SLC1A3: variants seen among roughly 807,000 people sequenced by gnomAD.
SLC1A3 encodes the protein excitatory amino acid transporter 1.
Under a neutral mutation model 48.1 loss-of-function variants are expected in SLC1A3, and 21 were observed. The observed-to-expected ratio is 0.44, with a 90% CI of 0.31 to 0.63. The LOEUF is 0.63. SLC1A3 is among the 20% of genes least tolerant of loss of function. The pLI, the probability that SLC1A3 is intolerant of heterozygous loss-of-function variation, is 0.08. For missense variants in SLC1A3, 546 were observed against 689.0 expected, an observed-to-expected ratio of 0.79 and a Z score of 2.32; for synonymous variants, 239 against 251.4, an observed-to-expected ratio of 0.95 and a Z score of 0.47.
intron 3 of SLC1A3, among the ~76,000 whole-genome samples, chr5:36,646,846 A>G (rs1241758986): frequency 6.6e-6 from 1 of 152,202 alleles, no homozygotes; most frequent in Admixed American, 6.5e-5. Context: ...TCAAAGAGCT[A>G]TTTTTGAGGA....
chr5:36,656,013 T>C lies in SLC1A3; in HGVS notation c.320-15016T>C, dbSNP rs1032889444. Among the ~76,000 whole-genome samples the C allele has an allele frequency of 2.6e-5, 4 of 152,334 alleles. No homozygotes were observed. The South Asian group carries it at 8.3e-4, about 32-fold the overall frequency. On this transcript the variant is annotated intron_variant, in intron 3 of 9. Coordinates refer to ENST00000265113, the MANE Select transcript of SLC1A3 (RefSeq NM_004172.5). ...AAGATGTGATTTACATCAGAAGCTG[T>C]AAATGACTGAGAACATTGGTGTTGC...
rs1162623269 is a variant in SLC1A3, at chr5:36,608,573, T to C, written c.150T>C (p.Phe50=). 1 of 1,614,038 alleles carries C rather than the reference T, an allele frequency of 6.2e-7. No homozygotes were observed. Among genetic ancestry groups the C allele is most frequent in the African/African-American group, 1.3e-5 (1 of 75,036 alleles). ...DVKSYLFRNA[F]VLLTVTAVIV... is the part of the protein sequence containing the mutation. ...AAAGTTACCTGTTTCGGAATGCTTT[T>C]GTGCTGCTCACAGTCACCGCTGTCA... Residue 50 remains phenylalanine (F), a synonymous_variant, in exon 2 of 10, where the codon TTT becomes TTC. Coordinates refer to ENST00000265113, the MANE Select transcript of SLC1A3 (RefSeq NM_004172.5).
At chr5:36,686,025 C>A in intron 9 of SLC1A3, 40 bp from the exon 10 acceptor site, 2 of 1,550,250 alleles carry the variant, frequency 1.3e-6, no homozygotes, top group Non-Finnish European at 1.8e-6. Context: ...GTGATGCTCA[C>A]GGGAGCCTCG....
intron 3 of SLC1A3, among the ~76,000 whole-genome samples, chr5:36,632,628 T>C (rs927784631): frequency 6.6e-6 from 1 of 152,236 alleles, no homozygotes; most frequent in African/African-American, 2.4e-5. Context: ...AAATACTTTA[T>C]AGACTTGTTT....
intron 3 of SLC1A3, among the ~76,000 whole-genome samples, chr5:36,657,148 T>A (rs2111870554): frequency 6.6e-6 from 1 of 152,356 alleles, no homozygotes; most frequent in African/African-American, 2.4e-5. Context: ...CTTATACTTC[T>A]CTAGATTGAT....
intron 4 of SLC1A3, among the ~76,000 whole-genome samples, chr5:36,671,671 G>T (rs1048212687): frequency 6.6e-6 from 1 of 152,138 alleles, no homozygotes. Context: ...TACACAGTTT[G>T]GTTCCAGAGG....
chr5:36,618,568 A>G (rs934805111), intron 2 of SLC1A3, among the ~76,000 whole-genome samples: 5 of 152,222 alleles, frequency 3.3e-5, no homozygotes, highest in African/African-American at 1.2e-4. Flanking sequence ...GCTCTAGAGC[A>G]GAACATAAAA....
At chr5:36,677,728 G>C (rs951085899) in intron 6 of SLC1A3, among the ~76,000 whole-genome samples, 1 of 152,184 alleles carries the variant, frequency 6.6e-6, no homozygotes, top group Non-Finnish European at 1.5e-5. Flanking sequence ...AGGAGGTGAC[G>C]TACTTTGTTA....
At chr5:36,652,815 C>A (rs1388198568) in intron 3 of SLC1A3, among the ~76,000 whole-genome samples, 2 of 152,118 alleles carry the variant, frequency 1.3e-5, no homozygotes, top group Non-Finnish European at 2.9e-5. Flanking sequence ...ACACTTTCCC[C>A]AAAACAAAAT....
At chr5:36,639,160 C>T (rs1287165349) in intron 3 of SLC1A3, among the ~76,000 whole-genome samples, 1 of 152,286 alleles carries the variant, frequency 6.6e-6, no homozygotes, top group East Asian at 1.9e-4. Flanking sequence ...GGAAGCCCAG[C>T]GTGGCCACTT....
At chr5:36,675,588 T>C (rs1742173117) in intron 5 of SLC1A3, among the ~76,000 whole-genome samples, 1 of 152,182 alleles carries the variant, frequency 6.6e-6, no homozygotes, top group Non-Finnish European at 1.5e-5. Flanking sequence ...AAACAGAGTC[T>C]AAGGGGAATG....
chr5:36,645,787 T>C (rs187147719), intron 3 of SLC1A3, among the ~76,000 whole-genome samples: 1 of 152,308 alleles, frequency 6.6e-6, no homozygotes, highest in African/African-American at 2.4e-5. Flanking sequence ...TGGAGTCCTG[T>C]TATTTGAATT....
Position 36,674,037 on chromosome 5 carries a change from C to T in SLC1A3, c.525-12C>T, listed in dbSNP as rs1006138377. 6 of 1,612,058 alleles carry T rather than the reference C, an allele frequency of 3.7e-6. No homozygotes were observed. The highest frequency in any genetic ancestry group is 1.1e-5 in the South Asian group (1 of 91,048). ...TGGAAAATTTTGCAAGTGACTATTA[C>T]TTTCTTTGCAGGAACATGTTCCCTC... On this transcript the variant is annotated splice_polypyrimidine_tract_variant and intron_variant, in intron 4 of 9. Coordinates refer to ENST00000265113, the MANE Select transcript of SLC1A3 (RefSeq NM_004172.5).
intron 9 of SLC1A3, 62 bp from the exon 10 acceptor site, chr5:36,686,003 A>G: frequency 7.4e-7 from 1 of 1,358,494 alleles, no homozygotes; most frequent in Admixed American, 1.7e-5. Flanking sequence ...TCCTAACGTA[A>G]GTTGAAAACT....
chr5:36,644,203 T>G (rs1478944443), intron 3 of SLC1A3, among the ~76,000 whole-genome samples: 1 of 151,472 alleles, frequency 6.6e-6, no homozygotes, highest in African/African-American at 2.4e-5. Flanking sequence ...ATGTCGTTAG[T>G]AATACCTTTT....
intron 7 of SLC1A3, among the ~76,000 whole-genome samples, chr5:36,680,153 G>C (rs1176892698): frequency 6.6e-6 from 1 of 152,216 alleles, no homozygotes; most frequent in Non-Finnish European, 1.5e-5. Flanking sequence ...AGGCTGTCGT[G>C]ATGAGGGCAT....
chr5:36,647,282 TCTATTTCC>T (rs1290077892), intron 3 of SLC1A3, among the ~76,000 whole-genome samples: 3 of 152,198 alleles, frequency 2.0e-5, no homozygotes, highest in Non-Finnish European at 4.4e-5. Context: ...TTGACCAATT[TCTATTTCC>T]AGCCACATAC....
At chr5:36,666,487 G>A (rs1741753675) in intron 3 of SLC1A3, 1 of 152,170 alleles carries the variant, frequency 6.6e-6, no homozygotes, top group Non-Finnish European at 1.5e-5. Flanking sequence ...CAGTGGCCCT[G>A]GAAGAACAAT....
At chr5:36,628,615 G>C (rs1284387752) in intron 2 of SLC1A3, among the ~76,000 whole-genome samples, 1 of 152,136 alleles carries the variant, frequency 6.6e-6, no homozygotes, top group Non-Finnish European at 1.5e-5. Context: ...AGGGGAGAGG[G>C]AGTAAATTTA....
Sources: allele counts gnomAD v4.1 joint callset (sites outside exome capture counted in the v4.1 genomes callset), GRCh38; gene constraint gnomAD v4.1.1; transcripts MANE v1.5; gene names NCBI Gene and HGNC (gene_info 2026-07-23, HGNC 2026-07-21).